The following RALGPS2 variants were observed in gnomAD, a reference collection of about 807,000 sequenced individuals.
The protein encoded by RALGPS2 is ras-specific guanine nucleotide-releasing factor RalGPS2.
In RALGPS2, 43 loss-of-function variants were observed where a neutral mutation model predicts 86.8. The observed-to-expected ratio is 0.50, with a 90% confidence interval of 0.39 to 0.64. RALGPS2 has a LOEUF of 0.64. Among genes scored for constraint, RALGPS2 ranks in the 30% least tolerant of loss-of-function variants. The probability of loss-of-function intolerance (pLI) is 0.00; values close to 1 mark genes in which losing one functional copy is unlikely to be tolerated. For missense variants in RALGPS2, 536 were observed against 694.6 expected, an observed-to-expected ratio of 0.77 and a Z score of 2.57; for synonymous variants, 243 against 231.3, an observed-to-expected ratio of 1.05 and a Z score of -0.46.
chr1:178,895,229 C>T (rs1466226221), intron 16 of RALGPS2, among the ~76,000 whole-genome samples: 1 of 151,926 alleles, frequency 6.6e-6, no homozygotes, highest in Non-Finnish European at 1.5e-5. Flanking sequence ...ACACTTAAAG[C>T]TTTTGAAGAT....
chr1:178,742,132 C>CAAAAAA (rs34861793), intron 1 of RALGPS2, among the ~76,000 whole-genome samples: 2 of 82,670 alleles, frequency 2.4e-5, no homozygotes, highest in African/African-American at 4.4e-5. Flanking sequence ...AAGATTCCGT[C>CAAAAAA]AAAAAAAAAA....
intron 17 of RALGPS2, among the ~76,000 whole-genome samples, chr1:178,899,641 GTTTT>G (rs1660083720): frequency 1.4e-5 from 2 of 143,916 alleles, no homozygotes; most frequent in African/African-American, 5.7e-5. Flanking sequence ...TTTGGTTTTG[GTTTT>G]GGTTTTGGTT....
chr1:178,852,714 G>A (rs200482313), intron 8 of RALGPS2: 635 of 1,613,654 alleles, frequency 3.9e-4, no homozygotes, highest in Non-Finnish European at 5.1e-4. Flanking sequence ...TGTCCAGTGT[G>A]GTGAATTGTT....
chr1:178,882,101 G>C (rs1659282067), intron 10 of RALGPS2, among the ~76,000 whole-genome samples: 1 of 152,134 alleles, frequency 6.6e-6, no homozygotes, highest in South Asian at 2.1e-4. Context: ...TGACGATGTT[G>C]TAAGCAGCTG....
chr1:178,781,133 A>G (rs115275445), intron 2 of RALGPS2, among the ~76,000 whole-genome samples: 5,500 of 152,216 alleles, frequency 0.036, 120 homozygotes, highest in Middle Eastern at 0.059. Context: ...ACTTGTACAA[A>G]CAATTCTGTT....
At chr1:178,833,626 G>A (rs1404745510) in intron 8 of RALGPS2, 76 bp downstream of exon 8, 3 of 1,483,020 alleles carry the variant, frequency 2.0e-6, no homozygotes, top group African/African-American at 1.5e-5. Flanking sequence ...GAAATTCAAG[G>A]TATTTTTTAA....
intron 1 of RALGPS2, chr1:178,753,511 G>A (rs763604412): frequency 1.3e-5 from 2 of 152,154 alleles, no homozygotes; most frequent in Non-Finnish European, 2.9e-5. Context: ...GGTCCAAAAA[G>A]CTGTTCCTCG....
chr1:178,852,807 C>T (rs370931833), intron 8 of RALGPS2: 53 of 1,613,778 alleles, frequency 3.3e-5, no homozygotes, highest in Non-Finnish European at 3.9e-5. Context: ...TTTCAGGTTC[C>T]AGACGAAAGC....
chr1:178,843,649 A>G (rs932106482), intron 8 of RALGPS2, among the ~76,000 whole-genome samples: 20 of 150,924 alleles, frequency 1.3e-4, no homozygotes, highest in African/African-American at 3.9e-4. Context: ...AACTTAAAGT[A>G]TAATTAAAAA....
chr1:178,908,763 T>G (rs962319785), intron 19 of RALGPS2, among the ~76,000 whole-genome samples: 2 of 152,196 alleles, frequency 1.3e-5, no homozygotes, highest in South Asian at 2.1e-4. Context: ...AATGGGGTTG[T>G]TTTTTGCCTG....
At chr1:178,750,829 A>G (rs182727412) in intron 1 of RALGPS2, among the ~76,000 whole-genome samples, 2 of 152,324 alleles carry the variant, frequency 1.3e-5, no homozygotes, top group East Asian at 1.9e-4. Flanking sequence ...CTATAATTAT[A>G]CAGGGACTCC....
At chr1:178,736,818 A>C (rs1338882224) in intron 1 of RALGPS2, among the ~76,000 whole-genome samples, 3 of 151,984 alleles carry the variant, frequency 2.0e-5, no homozygotes, top group Non-Finnish European at 4.4e-5. Flanking sequence ...GGAGAATTGG[A>C]GTCCGGGAGG....
At chr1:178,732,446 G>A (rs750769625) in intron 1 of RALGPS2, among the ~76,000 whole-genome samples, 3 of 151,908 alleles carry the variant, frequency 2.0e-5, no homozygotes, top group Admixed American at 6.6e-5. Flanking sequence ...CTACAGTTGC[G>A]TGCCACCACA....
chr1:178,883,954 A>T (rs772728661), intron 11 of RALGPS2, among the ~76,000 whole-genome samples: 16 of 151,928 alleles, frequency 1.1e-4, no homozygotes, highest in Non-Finnish European at 2.1e-4. Context: ...GTGCCACTGC[A>T]CTCCAGCCTG....
intron 4 of RALGPS2, among the ~76,000 whole-genome samples, chr1:178,795,720 A>G (rs1654157395): frequency 6.6e-6 from 1 of 152,152 alleles, no homozygotes; most frequent in Admixed American, 6.6e-5. Context: ...ACTGTATCTT[A>G]TTAAAATATT....
intron 4 of RALGPS2, among the ~76,000 whole-genome samples, chr1:178,793,136 C>T (rs1213719834): frequency 6.6e-6 from 1 of 152,026 alleles, no homozygotes; most frequent in African/African-American, 2.4e-5. Context: ...TTTTAGCGGC[C>T]AAACCATAAG....
At chr1:178,867,863 T>A (rs1262310721) in intron 8 of RALGPS2, among the ~76,000 whole-genome samples, 4 of 152,080 alleles carry the variant, frequency 2.6e-5, no homozygotes, top group African/African-American at 9.7e-5. Context: ...TCTTATGCTG[T>A]CGTCATGAAG....
At chr1:178,856,407 T>TGTTTG (rs1657582608) in intron 8 of RALGPS2, among the ~76,000 whole-genome samples, 1 of 105,354 alleles carries the variant, frequency 9.5e-6, no homozygotes, top group African/African-American at 4.2e-5. Flanking sequence ...TTTTTTTTTT[T>TGTTTG]TTTTTTTTTT....
intron 19 of RALGPS2, among the ~76,000 whole-genome samples, chr1:178,914,935 G>A (rs1282400644): frequency 6.6e-6 from 1 of 152,050 alleles, no homozygotes; most frequent in African/African-American, 2.4e-5. Flanking sequence ...ATGTAATTTA[G>A]GGTATTAAGA....
Sources: gnomAD v4.1 joint callset for allele counts (sites outside exome capture counted in the v4.1 genomes callset) on GRCh38, gnomAD v4.1.1 for gene constraint, MANE v1.5 for transcripts, NCBI Gene and HGNC (gene_info 2026-07-23, HGNC 2026-07-21) for gene names.